The following PHYHIPL variants were observed in gnomAD, a reference collection of about 807,000 sequenced individuals.
The protein encoded by PHYHIPL is phytanoyl-CoA 2-hydroxylase interacting protein like, also known as phytanoyl-CoA hydroxylase-interacting protein-like.
PHYHIPL carries 9 observed loss-of-function variants against 33.4 expected under a neutral mutation model. That is an observed-to-expected ratio of 0.27 (90% CI 0.16 to 0.47). The LOEUF is 0.47. Ranked by LOEUF, PHYHIPL falls within the 20% of genes least tolerant of loss-of-function variation. PHYHIPL has a pLI of 0.99. For synonymous variants in PHYHIPL, 153 were observed against 154.1 expected (o/e 0.99, Z 0.05); for missense variants, 365 against 460.7 (o/e 0.79, Z 1.90).
At chr10:59,177,628 A>G in intron 1 of PHYHIPL, 2 of 1,551,568 alleles carry the variant, frequency 1.3e-6, no homozygotes, top group Admixed American at 3.9e-5. Flanking sequence ...AGTACGTACC[A>G]TTGCGTGTTG....
intron 1 of PHYHIPL, among the ~76,000 whole-genome samples, chr10:59,224,371 A>G (rs1839859889): frequency 6.6e-6 from 1 of 152,032 alleles, no homozygotes; most frequent in Non-Finnish European, 1.5e-5. Context: ...TAGGAGAATC[A>G]CTTGAGCCTG....
At position 59,200,304 on chromosome 10, in the gene PHYHIPL, A is replaced by G. The variant is rs569802823; in HGVS notation, c.106+23345A>G. Among the ~76,000 whole-genome samples the G allele has an allele frequency of 1.2e-4, 18 of 152,264 alleles. 1 individual carries two copies. In the South Asian group the frequency reaches 2.7e-3, roughly 23 times the overall value. On this transcript the variant is annotated intron_variant, in intron 1 of 4. Coordinates refer to ENST00000373880, the MANE Select transcript of PHYHIPL (RefSeq NM_032439.4). ...TTTGTCAAAGGCCTTTTCTGCATCTATTGAGATAATCATGTGGTTTTTATC... is the reference window on the plus strand; with the variant it reads ...TTTGTCAAAGGCCTTTTCTGCATCTGTTGAGATAATCATGTGGTTTTTATC...
intron 1 of PHYHIPL, among the ~76,000 whole-genome samples, chr10:59,197,707 C>T (rs1218271476): frequency 6.6e-6 from 1 of 152,120 alleles, no homozygotes; most frequent in African/African-American, 2.4e-5. Flanking sequence ...TTTACTTTTA[C>T]TTATTTAGGA....
intron 1 of PHYHIPL, among the ~76,000 whole-genome samples, chr10:59,207,630 A>G (rs574136574): frequency 1.3e-5 from 2 of 152,210 alleles, no homozygotes; most frequent in African/African-American, 4.8e-5. Context: ...GGTGGCTCAC[A>G]CCTGTAATCC....
At position 59,245,542 on chromosome 10, in the gene PHYHIPL, CAAAG is replaced by C; in HGVS notation, c.1088_1091del (p.Lys363IlefsTer45). ...CTCATGAGTTTGTCTACTGCAAATG[CAAAG>C]AAAGATCCCAGCTGCAAAACCTGTA... On this transcript the variant is annotated frameshift_variant, in exon 5 of 5. Coordinates refer to ENST00000373880, the MANE Select transcript of PHYHIPL (RefSeq NM_032439.4). LOFTEE classifies it high-confidence loss of function. 1.9e-6 allele frequency: 3 copies of C among 1,611,746 alleles called. No individual in the cohort carries two copies. Among genetic ancestry groups the C allele is most frequent in the Non-Finnish European group, 2.5e-6 (3 of 1,179,242 alleles).
In PHYHIPL at chr10:59,234,358, A is replaced by G. The variant is rs1310483966; in HGVS notation, c.161A>G (p.His54Arg). The part of the protein sequence containing the change: ...IAEMEELPVP[H>R]NIKISNITCD... ...GAGATGGAAGAACTTCCTGTACCACATAACATCAAAATAAGCAATATAACG... is the reference window on the plus strand; with the variant it reads ...GAGATGGAAGAACTTCCTGTACCACGTAACATCAAAATAAGCAATATAACG... The change falls in exon 2 of 5, where the codon CAT becomes CGT. Residue 54 changes from histidine (H) to arginine (R), a missense_variant. This residue lies in a region of PHYHIPL where 89 missense variants were observed against 78.3 expected (regional missense o/e 1.14). Coordinates refer to ENST00000373880, the MANE Select transcript of PHYHIPL (RefSeq NM_032439.4). 3 of 1,599,260 alleles carry G rather than the reference A, an allele frequency of 1.9e-6. No homozygotes were observed. The highest frequency in any genetic ancestry group is 1.1e-5 in the South Asian group (1 of 88,174).
At chr10:59,193,750 T>A (rs1162720179) in intron 1 of PHYHIPL, among the ~76,000 whole-genome samples, 7 of 152,168 alleles carry the variant, frequency 4.6e-5, no homozygotes, top group Non-Finnish European at 1.0e-4. Context: ...TTTGAGCCTA[T>A]TTCTATATAT....
intron 1 of PHYHIPL, among the ~76,000 whole-genome samples, chr10:59,208,394 C>A (rs899032900): frequency 1.3e-5 from 2 of 152,032 alleles, no homozygotes; most frequent in Non-Finnish European, 2.9e-5. Flanking sequence ...ACAAAAAGGA[C>A]GTCCACACAG....
chr10:59,195,320 T>G (rs189602502), intron 1 of PHYHIPL, among the ~76,000 whole-genome samples: 1 of 152,302 alleles, frequency 6.6e-6, no homozygotes, highest in Non-Finnish European at 1.5e-5. Context: ...GCATACAAAT[T>G]TATGTAATAT....
chr10:59,197,203 C>A (rs1838945078), intron 1 of PHYHIPL, among the ~76,000 whole-genome samples: 2 of 152,194 alleles, frequency 1.3e-5, no homozygotes, highest in Non-Finnish European at 2.9e-5. Flanking sequence ...TGAATTCTAT[C>A]TCCTCAGTGG....
In PHYHIPL at chr10:59,246,331, G is replaced by C; in HGVS notation, c.*740G>C. Reference sequence around the variant, plus strand: ...GACTTCAATTAAACAAATTTATGAAGGACATTATTCTGATTCATAAAAGTT... The same window carrying C: ...GACTTCAATTAAACAAATTTATGAACGACATTATTCTGATTCATAAAAGTT... On this transcript the variant is annotated 3_prime_UTR_variant, in exon 5 of 5. Coordinates refer to ENST00000373880, the MANE Select transcript of PHYHIPL (RefSeq NM_032439.4). The C allele has an allele frequency of 4.8e-6, 1 of 207,546 alleles. No individual in the cohort carries two copies. Among genetic ancestry groups the C allele is most frequent in the Non-Finnish European group, 9.6e-6 (1 of 104,594 alleles). 12.9% of individuals were successfully genotyped at this position (207,546 alleles called of 1,614,324 possible).
Position 59,180,716 on chromosome 10 carries a change from G to C in PHYHIPL, c.106+3757G>C, listed in dbSNP as rs544617437. On this transcript the variant is annotated intron_variant, in intron 1 of 4. Transcript: ENST00000373880. Reference sequence around the variant, plus strand: ...TTTATCTCTTTTACATATTTAAAAAGATAAATTTCTTTGAATGTTGAGTTT... The same window carrying C: ...TTTATCTCTTTTACATATTTAAAAACATAAATTTCTTTGAATGTTGAGTTT... Among the ~76,000 whole-genome samples the C allele has an allele frequency of 2.0e-5, 3 of 152,070 alleles. No homozygotes were observed. The East Asian group carries it at 5.8e-4, about 29-fold the overall frequency.
In PHYHIPL at chr10:59,247,553, C is replaced by G. The variant is rs1840823296; in HGVS notation, c.*1962C>G. 5 of 1,603,204 alleles carry G rather than the reference C, an allele frequency of 3.1e-6. No homozygotes were observed. The highest frequency in any genetic ancestry group is 4.3e-6 in the Non-Finnish European group (5 of 1,173,656). On this transcript the variant is annotated 3_prime_UTR_variant, in exon 5 of 5. Coordinates refer to ENST00000373880, the MANE Select transcript of PHYHIPL (RefSeq NM_032439.4). ...TGTCAAAACTACTTAGCAAGGATGG[C>G]AGAGGAAAATAAACTTTACTTTATA...
chr10:59,244,948 G>A (rs965701452), intron 4 of PHYHIPL, 109 bp from the exon 5 acceptor site: 1 of 1,082,518 alleles, frequency 9.2e-7, no homozygotes, highest in African/African-American at 1.6e-5. Flanking sequence ...AGTAAGAGAG[G>A]TATTCAGGCC....
chr10:59,224,480 C>CAA, intron 1 of PHYHIPL, among the ~76,000 whole-genome samples: 1 of 150,478 alleles, frequency 6.6e-6, no homozygotes, highest in East Asian at 2.0e-4. Context: ...CAAAACAAAA[C>CAA]AAAACAAAAC....
At chr10:59,231,634 A>G (rs1009977447) in intron 1 of PHYHIPL, among the ~76,000 whole-genome samples, 4 of 152,258 alleles carry the variant, frequency 2.6e-5, no homozygotes, top group African/African-American at 7.2e-5. Context: ...GTGATAAAAG[A>G]TTTAACACAG....
intron 1 of PHYHIPL, among the ~76,000 whole-genome samples, chr10:59,185,143 A>G (rs1319967151): frequency 6.6e-6 from 1 of 151,518 alleles, no homozygotes; most frequent in Admixed American, 6.6e-5. Context: ...GGCGCCCGCC[A>G]CTACGCCCGG....
upstream of PHYHIPL, among the ~76,000 whole-genome samples, chr10:59,175,494 C>T (rs1211750592): frequency 1.3e-5 from 2 of 152,052 alleles, no homozygotes; most frequent in Non-Finnish European, 2.9e-5. Context: ...AATGGAAAAT[C>T]AATAAAAGGG....
intron 1 of PHYHIPL, among the ~76,000 whole-genome samples, chr10:59,224,295 C>T (rs1320666961): frequency 6.6e-6 from 1 of 151,902 alleles, no homozygotes; most frequent in Non-Finnish European, 1.5e-5. Flanking sequence ...TGTATGTTAA[C>T]CTACACCTTT....
Sources: gnomAD v4.1 joint callset for allele counts (sites outside exome capture counted in the v4.1 genomes callset) on GRCh38, gnomAD v4.1.1 for gene constraint, gnomAD v4.1.1 regional missense constraint, MANE v1.5 for transcripts, NCBI Gene and HGNC (gene_info 2026-07-23, HGNC 2026-07-21) for gene names.